Variants in LPA observed in about 807,000 individuals in gnomAD.
LPA encodes apolipoprotein(a).
In LPA, 199 loss-of-function variants were observed where a neutral mutation model predicts 197.9. The observed-to-expected ratio is 1.01, with a 90% confidence interval of 0.90 to 1.13. LPA has a LOEUF of 1.13. LPA is among the 50% of genes most tolerant of loss of function. The probability of loss-of-function intolerance (pLI) is 0.00; values close to 1 mark genes in which losing one functional copy is unlikely to be tolerated. For missense variants in LPA, 1,853 were observed against 1,785.8 expected (o/e 1.04, Z -0.68); for synonymous variants, 715 against 639.5 (o/e 1.12, Z -1.78).
At chr6:160,549,128 C>G (rs2115004856) in intron 30 of LPA, among the ~76,000 whole-genome samples, 1 of 152,234 alleles carries the variant, frequency 6.6e-6, no homozygotes, top group East Asian at 1.9e-4. Flanking sequence ...AGGAGACTCT[C>G]TCACTGTCAT....
Position 160,577,189 on chromosome 6 carries a change from C to A in LPA, c.4578G>T (p.Trp1526Cys). 1 of 1,613,848 alleles carries A rather than the reference C, an allele frequency of 6.2e-7. No homozygotes were observed. The highest frequency in any genetic ancestry group is 8.5e-7 in the Non-Finnish European group (1 of 1,179,860). Residue 1526 changes from tryptophan to cysteine, a missense_variant, in exon 28 of 39, where the codon TGG becomes TGT. This residue lies in a region of LPA where 1,737 missense variants were observed against 1,504.4 expected (regional missense o/e 1.15). Transcript: ENST00000316300. ...GATGCCAGTGTGGTATCATAGATGA[C>A]CAAGATTGACAGGTCCTTCCTGTGA... ...TTVTGRTCQS[W>C]SSMIPHWHQR...
intron 28 of LPA, among the ~76,000 whole-genome samples, chr6:160,564,552 G>A (rs913846600): frequency 6.6e-6 from 1 of 152,148 alleles, no homozygotes; most frequent in Admixed American, 6.5e-5. Flanking sequence ...GGCCGAATAG[G>A]AACAGCTCCA....
intron 16 of LPA, 99 bp from the exon 17 acceptor site, chr6:160,606,757 C>A: frequency 6.6e-7 from 1 of 1,521,820 alleles, no homozygotes; most frequent in East Asian, 2.3e-5. Flanking sequence ...ATTACCAGTG[C>A]CTTTCTAATA....
intron 1 of LPA, among the ~76,000 whole-genome samples, chr6:160,661,952 G>A (rs1780234314): frequency 6.6e-6 from 1 of 152,146 alleles, no homozygotes; most frequent in African/African-American, 2.4e-5. Context: ...TATTCAAAAA[G>A]AGGAAACTTC....
At chr6:160,582,954 T>C (rs560469686) in intron 26 of LPA, among the ~76,000 whole-genome samples, 2 of 152,276 alleles carry the variant, frequency 1.3e-5, no homozygotes, top group African/African-American at 2.4e-5. Context: ...ATCTGTACTA[T>C]CTAATATGAT....
intron 28 of LPA, 31 bp from the exon 29 acceptor site, chr6:160,557,602 G>A: frequency 1.2e-6 from 2 of 1,610,718 alleles, no homozygotes; most frequent in Non-Finnish European, 1.7e-6. Context: ...CAGGTCACAA[G>A]AGGCGGGAAA....
In LPA at chr6:160,605,164, C is replaced by T. The variant is rs369601677; in HGVS notation, c.2827G>A (p.Gly943Arg). The T allele has an allele frequency of 8.1e-5, 130 of 1,613,918 alleles. 1 individual carries two copies. The highest frequency in any genetic ancestry group is 3.3e-4 in the Middle Eastern group (2 of 6,060). Residue 943 changes from glycine (G) to arginine (R), a missense_variant, in exon 18 of 39, where the codon GGA (glycine) becomes AGA (arginine). By Grantham distance (125) the Gly-to-Arg change is moderately radical. This residue lies in a region of LPA where 1,737 missense variants were observed against 1,504.4 expected (regional missense o/e 1.15). Transcript: ENST00000316300. ...GTGCCTTGATAACTCTGTCCATTTCCGTGGTAGCACTCCTGCACCCCAGGC... is the reference window on the plus strand; with the variant it reads ...GTGCCTTGATAACTCTGTCCATTTCTGTGGTAGCACTCCTGCACCCCAGGC... ...QRPGVQECYH[G>R]NGQSYQGTYF...
At chr6:160,590,400 T>A (rs1779003431) in intron 23 of LPA, among the ~76,000 whole-genome samples, 1 of 152,134 alleles carries the variant, frequency 6.6e-6, no homozygotes, top group South Asian at 2.1e-4. Context: ...AGCCTAGGTG[T>A]GCAGCACCTG....
intron 29 of LPA, 127 bp downstream of exon 29, chr6:160,557,263 G>T (rs1397612223): frequency 2.6e-6 from 3 of 1,160,724 alleles, no homozygotes; most frequent in Non-Finnish European, 3.8e-6. Flanking sequence ...AGAGTGCTGA[G>T]GCTTCTTTCC....
intron 2 of LPA, among the ~76,000 whole-genome samples, chr6:160,647,632 G>T (rs1779922362): frequency 6.6e-6 from 1 of 152,096 alleles, no homozygotes; most frequent in Non-Finnish European, 1.5e-5. Context: ...TAAAAACTTT[G>T]TGATTGCTCT....
intron 20 of LPA, 65 bp downstream of exon 20, chr6:160,599,435 A>G (rs1375844770): frequency 4.4e-6 from 7 of 1,601,184 alleles, no homozygotes; most frequent in Non-Finnish European, 6.0e-6. Flanking sequence ...ACCTTGAAGC[A>G]TGACTCTTCT....
chr6:160,652,885 G>A (rs1780031926), intron 1 of LPA, among the ~76,000 whole-genome samples: 1 of 151,970 alleles, frequency 6.6e-6, no homozygotes, highest in African/African-American at 2.4e-5. Context: ...AAACATTGTG[G>A]AAAATACTAA....
chr6:160,546,409 C>G (rs1236076152), intron 32 of LPA, among the ~76,000 whole-genome samples: 1 of 152,158 alleles, frequency 6.6e-6, no homozygotes, highest in African/African-American at 2.4e-5. Flanking sequence ...GTGCCTTGCC[C>G]TGTGCATCTC....
intron 16 of LPA, among the ~76,000 whole-genome samples, chr6:160,610,809 T>C (rs778201813): frequency 1.3e-5 from 2 of 152,148 alleles, no homozygotes; most frequent in Non-Finnish European, 2.9e-5. Context: ...AGCCAAGGCA[T>C]CTATGGAGTT....
intron 1 of LPA, among the ~76,000 whole-genome samples, chr6:160,651,292 A>C (rs542443915): frequency 6.6e-6 from 1 of 152,316 alleles, no homozygotes. Flanking sequence ...CAATGGGGTT[A>C]GATTATGTGT....
In LPA at chr6:160,564,396, T is replaced by G. The variant is rs193220852; in HGVS notation, c.4632-6825A>C. Among the ~76,000 whole-genome samples, 20 of 152,242 alleles carry G rather than the reference T, an allele frequency of 1.3e-4. No homozygotes were observed. In the East Asian group the frequency reaches 2.7e-3, roughly 21 times the overall value. On this transcript the variant is annotated intron_variant, in intron 28 of 38. Transcript: ENST00000316300. ...TAAGAATGTTGAATATTCTACATCT[T>G]TCTTTGGCACTGGATGTTTCCTGCC...
chr6:160,610,940 G>A (rs1292525439), intron 16 of LPA, among the ~76,000 whole-genome samples: 2 of 152,072 alleles, frequency 1.3e-5, no homozygotes, highest in Non-Finnish European at 2.9e-5. Context: ...GCCATGGGGT[G>A]GTCAGACCAG....
At chr6:160,608,041 A>C (rs1779398212) in intron 16 of LPA, among the ~76,000 whole-genome samples, 1 of 152,198 alleles carries the variant, frequency 6.6e-6, no homozygotes, top group Non-Finnish European at 1.5e-5. Context: ...TTACCTCTAC[A>C]TATGCTAAAA....
rs541423931 is a variant in LPA, at chr6:160,647,562, TC to T, written c.210-1168del. On this transcript the variant is annotated intron_variant, in intron 2 of 38. Transcript: ENST00000316300. The stretch of plus-strand genomic sequence containing the variant: ...GAGCTCTTTAAAGACTTTTTTTTCT[TC>T]CTTGGCTTCCCTCTTTTGAATACAT... Among the ~76,000 whole-genome samples, 7 of 152,306 alleles carry T rather than the reference TC, an allele frequency of 4.6e-5. No individual in the cohort carries two copies. The South Asian group carries it at 1.2e-3, about 27-fold the overall frequency.
Sources: gnomAD v4.1 joint callset for allele counts (sites outside exome capture counted in the v4.1 genomes callset) on GRCh38, gnomAD v4.1.1 for gene constraint, gnomAD v4.1.1 regional missense constraint, MANE v1.5 for transcripts, NCBI Gene and HGNC (gene_info 2026-07-23, HGNC 2026-07-21) for gene names.